The following ZNF438 variants were observed in gnomAD, a reference collection of about 807,000 sequenced individuals.
ZNF438 encodes zinc finger protein 438.
In ZNF438, 25 loss-of-function variants were observed where a neutral mutation model predicts 38.0. The ratio of observed to expected loss-of-function variants is 0.66; its 90% confidence interval spans 0.48 to 0.92. The LOEUF is 0.92. Among genes scored for constraint, ZNF438 ranks in the 40% least tolerant of loss-of-function variants. ZNF438 has a pLI of 0.00. For missense variants in ZNF438, 1,007 were observed against 999.6 expected, an observed-to-expected ratio of 1.01 and a Z score of -0.10; for synonymous variants, 372 against 364.1, an observed-to-expected ratio of 1.02 and a Z score of -0.25.
chr10:30,919,986 C>G (rs2044106385), intron 2 of ZNF438: 1 of 152,232 alleles, frequency 6.6e-6, no homozygotes, highest in African/African-American at 2.4e-5. Flanking sequence ...TTCTGTGCCT[C>G]ATCAGTATTA....
intron 1 of ZNF438, among the ~76,000 whole-genome samples, chr10:31,028,921 T>C (rs1329617579): frequency 6.6e-6 from 1 of 152,178 alleles, no homozygotes; most frequent in African/African-American, 2.4e-5. Context: ...GTTAGCACAG[T>C]CCCACTGCCT....
At chr10:31,008,271 C>CT (rs539807839) in intron 1 of ZNF438, among the ~76,000 whole-genome samples, 2 of 152,052 alleles carry the variant, frequency 1.3e-5, no homozygotes, top group Admixed American at 6.5e-5. Flanking sequence ...CTCACTTCTT[C>CT]TTTTTTAACA....
intron 3 of ZNF438, among the ~76,000 whole-genome samples, chr10:30,900,876 A>G (rs1302227832): frequency 6.6e-6 from 1 of 152,244 alleles, no homozygotes; most frequent in East Asian, 1.9e-4. Context: ...AAGCATCAGT[A>G]TTCTCAGTGA....
At chr10:30,988,577 AAAT>A (rs1165790719) in intron 1 of ZNF438, among the ~76,000 whole-genome samples, 5 of 152,100 alleles carry the variant, frequency 3.3e-5, no homozygotes, top group African/African-American at 1.2e-4. Context: ...CTAAGAAACT[AAAT>A]AATGTAAGCT....
At chr10:30,960,190 C>T (rs1564740908) in intron 1 of ZNF438, among the ~76,000 whole-genome samples, 1 of 147,402 alleles carries the variant, frequency 6.8e-6, no homozygotes, top group Non-Finnish European at 1.5e-5. Context: ...CTTTATCACA[C>T]ATGATTTGCA....
In ZNF438 at chr10:30,845,692, T is replaced by C. The variant is rs1015783941; in HGVS notation, c.1875-119A>G. 1.3e-5 allele frequency: 17 copies of C among 1,264,236 alleles called. No individual in the cohort carries two copies. In the African/African-American group the frequency reaches 1.8e-4, roughly 13 times the overall value. The allele number at this position is 1,264,236 out of a possible 1,614,324, so 78.3% of individuals were successfully genotyped here. A position where few individuals can be genotyped will look rare whatever the true frequency, so the allele number is the denominator to read the frequency against. The stretch of plus-strand genomic sequence containing the variant: ...TAACACTGACGAGAAAGACAAGGGC[T>C]GGGGTAAACAGAGAGCACCTGGGAA... On this transcript the variant is annotated intron_variant, in intron 5 of 5. Coordinates refer to ENST00000413025, the Ensembl canonical transcript of ZNF438.
At chr10:30,850,440 T>A (rs1347252225) in intron 4 of ZNF438, 73 bp from the exon 6 acceptor site, 8 of 1,495,810 alleles carry the variant, frequency 5.3e-6, no homozygotes, top group Non-Finnish European at 7.2e-6. Flanking sequence ...ACAACAAGCA[T>A]CTTATTTACT....
chr10:30,939,025 A>C (rs1475638839), intron 2 of ZNF438, among the ~76,000 whole-genome samples: 1 of 151,516 alleles, frequency 6.6e-6, no homozygotes, highest in Non-Finnish European at 1.5e-5. Flanking sequence ...CAATCTCCTG[A>C]TCTTGTGATC....
chr10:30,957,757 A>G (rs2049024771), intron 1 of ZNF438, among the ~76,000 whole-genome samples: 1 of 152,148 alleles, frequency 6.6e-6, no homozygotes, highest in South Asian at 2.1e-4. Context: ...ATTGGTTAAT[A>G]TTCTTTGGGA....
exon 6 of ZNF438, chr10:30,844,711 A>G (rs2031461969): frequency 2.5e-6 from 1 of 406,024 alleles, no homozygotes; most frequent in Admixed American, 4.2e-5. Flanking sequence ...CTTTTTATTT[A>G]TTCTGAAAGT....
At chr10:30,999,278 G>C (rs1341141831) in intron 1 of ZNF438, 1 of 151,980 alleles carries the variant, frequency 6.6e-6, no homozygotes, top group South Asian at 2.1e-4. Context: ...GTTTTTCCTT[G>C]GGAAAATACA....
chr10:31,011,070 T>C (rs895432558), intron 1 of ZNF438, among the ~76,000 whole-genome samples: 1 of 152,082 alleles, frequency 6.6e-6, no homozygotes, highest in African/African-American at 2.4e-5. Context: ...TGGTTCTGAG[T>C]GCCCTCAGCA....
chr10:30,878,325 GGA>G (rs1315272101), intron 3 of ZNF438, among the ~76,000 whole-genome samples: 1 of 152,116 alleles, frequency 6.6e-6, no homozygotes, highest in East Asian at 1.9e-4. Context: ...CAGCTTGACT[GGA>G]GAGAAGCAAC....
At chr10:30,928,538 C>T (rs1482627544) in intron 2 of ZNF438, among the ~76,000 whole-genome samples, 3 of 150,554 alleles carry the variant, frequency 2.0e-5, no homozygotes, top group African/African-American at 7.3e-5. Flanking sequence ...CAAACTTTGT[C>T]ACTTCAAATC....
chr10:30,961,268 T>G (rs780157443), intron 1 of ZNF438, among the ~76,000 whole-genome samples: 1 of 143,440 alleles, frequency 7.0e-6, no homozygotes, highest in Admixed American at 7.0e-5. Context: ...AAAAAAAAAT[T>G]TTTTAATTTA....
chr10:30,931,871 G>A (rs936124639), intron 2 of ZNF438, among the ~76,000 whole-genome samples: 8 of 152,182 alleles, frequency 5.3e-5, no homozygotes, highest in South Asian at 2.1e-4. Context: ...GGGAGGAAAC[G>A]TATAATTTAA....
intron 4 of ZNF438, among the ~76,000 whole-genome samples, chr10:30,860,484 C>T (rs891095985): frequency 6.6e-6 from 1 of 152,174 alleles, no homozygotes; most frequent in African/African-American, 2.4e-5. Context: ...TATCAGTGAA[C>T]CTTCAGAGGG....
chr10:30,970,105 T>C (rs917291175), intron 1 of ZNF438, among the ~76,000 whole-genome samples: 1 of 145,118 alleles, frequency 6.9e-6, no homozygotes, highest in Admixed American at 6.9e-5. Context: ...TGCTGGCTGA[T>C]ACACACACAC....
chr10:30,891,141 A>C (rs1057311318), intron 3 of ZNF438, among the ~76,000 whole-genome samples: 1 of 152,136 alleles, frequency 6.6e-6, no homozygotes, highest in African/African-American at 2.4e-5. Flanking sequence ...GGGGCCTCTT[A>C]ATCAGAAAAT....
Sources: gnomAD v4.1 joint callset for allele counts (sites outside exome capture counted in the v4.1 genomes callset) on GRCh38, gnomAD v4.1.1 for gene constraint, MANE v1.5 for transcripts, NCBI Gene and HGNC (gene_info 2026-07-23, HGNC 2026-07-21) for gene names.